Variants in LHFPL3 observed in about 807,000 individuals in gnomAD.
The protein encoded by LHFPL3 is LHFPL tetraspan subfamily member 3.
Under a neutral mutation model 19.3 loss-of-function variants are expected in LHFPL3, and 5 were observed. That is an observed-to-expected ratio of 0.26 (90% CI 0.14 to 0.54). The LOEUF (loss-of-function observed/expected upper bound fraction) is 0.54. Ranked by LOEUF, LHFPL3 falls within the 20% of genes least tolerant of loss-of-function variation. The probability of loss-of-function intolerance (pLI) is 0.94; values close to 1 mark genes in which losing one functional copy is unlikely to be tolerated. For missense variants in LHFPL3, 249 were observed against 307.4 expected (o/e 0.81, Z 1.42); for synonymous variants, 133 against 126.2 (o/e 1.05, Z -0.36).
At chr7:104,720,594 G>GT (rs1406576513) in intron 1 of LHFPL3, among the ~76,000 whole-genome samples, 2 of 152,102 alleles carry the variant, frequency 1.3e-5, no homozygotes, top group Non-Finnish European at 2.9e-5. Flanking sequence ...TACCATCAGA[G>GT]TGAACAGTCA....
At chr7:104,612,512 A>G (rs1205342154) in intron 1 of LHFPL3, among the ~76,000 whole-genome samples, 1 of 152,184 alleles carries the variant, frequency 6.6e-6, no homozygotes, top group Non-Finnish European at 1.5e-5. Flanking sequence ...GAATAAAGAC[A>G]TCTCATAAAT....
intron 1 of LHFPL3, among the ~76,000 whole-genome samples, chr7:104,557,403 G>A (rs1370335134): frequency 6.6e-5 from 10 of 152,194 alleles, no homozygotes; most frequent in African/African-American, 2.4e-4. Context: ...GAGAGATTGT[G>A]CAAGGAAACT....
chr7:104,681,767 T>G (rs1341148218), intron 1 of LHFPL3, among the ~76,000 whole-genome samples: 1 of 152,194 alleles, frequency 6.6e-6, no homozygotes, highest in African/African-American at 2.4e-5. Context: ...AGCAAAGGAC[T>G]TTGTTCCCAC....
At chr7:104,708,274 T>C (rs1217471003) in intron 1 of LHFPL3, among the ~76,000 whole-genome samples, 1 of 152,202 alleles carries the variant, frequency 6.6e-6, no homozygotes, top group African/African-American at 2.4e-5. Flanking sequence ...TAAATCATTT[T>C]TTTCTGTTAT....
intron 1 of LHFPL3, among the ~76,000 whole-genome samples, chr7:104,389,076 A>G (rs907141118): frequency 6.6e-6 from 1 of 152,168 alleles, no homozygotes; most frequent in African/African-American, 2.4e-5. Context: ...GGAAGAAGTA[A>G]AACTATCTGT....
At chr7:104,654,395 A>G (rs940166221) in intron 1 of LHFPL3, among the ~76,000 whole-genome samples, 9 of 152,198 alleles carry the variant, frequency 5.9e-5, no homozygotes, top group African/African-American at 2.2e-4. Flanking sequence ...GCTTTCCTAC[A>G]TCTAGTACTC....
At chr7:104,575,516 T>C (rs1283063404) in intron 1 of LHFPL3, among the ~76,000 whole-genome samples, 1 of 123,930 alleles carries the variant, frequency 8.1e-6, no homozygotes, top group Non-Finnish European at 1.6e-5. Flanking sequence ...ATTTTTAATA[T>C]ATGAGAAATG....
chr7:104,805,741 G>A (rs971294141), intron 2 of LHFPL3, among the ~76,000 whole-genome samples: 1 of 152,214 alleles, frequency 6.6e-6, no homozygotes, highest in East Asian at 1.9e-4. Flanking sequence ...CTACATGACA[G>A]TCAGATTTAT....
intron 2 of LHFPL3, among the ~76,000 whole-genome samples, chr7:104,881,169 CAAAAA>C (rs60361178): frequency 4.4e-5 from 4 of 91,520 alleles, no homozygotes; most frequent in Admixed American, 3.5e-4. Flanking sequence ...GATTCCATCT[CAAAAA>C]AAAAAAAAAA....
At chr7:104,603,080 TTC>T (rs372095041) in intron 1 of LHFPL3, among the ~76,000 whole-genome samples, 1 of 107,784 alleles carries the variant, frequency 9.3e-6, no homozygotes. Flanking sequence ...CTTTCTTTCT[TTC>T]TTTCTTTCTT....
intron 1 of LHFPL3, among the ~76,000 whole-genome samples, chr7:104,576,767 C>G (rs1237052443): frequency 6.6e-6 from 1 of 152,132 alleles, no homozygotes; most frequent in Admixed American, 6.6e-5. Context: ...TCTCAAGAAA[C>G]AAACAAGTTA....
At chr7:104,505,339 T>C (rs1368903540) in intron 1 of LHFPL3, among the ~76,000 whole-genome samples, 1 of 152,198 alleles carries the variant, frequency 6.6e-6, no homozygotes, top group Non-Finnish European at 1.5e-5. Flanking sequence ...GATATGGAAA[T>C]GAAAAGCTTT....
intron 1 of LHFPL3, among the ~76,000 whole-genome samples, chr7:104,536,429 C>G (rs1207517003): frequency 6.6e-6 from 1 of 152,168 alleles, no homozygotes; most frequent in Admixed American, 6.5e-5. Context: ...ACTTTAATAC[C>G]TAGCATTTCA....
chr7:104,692,234 A>C (rs77800293), intron 1 of LHFPL3, among the ~76,000 whole-genome samples: 3,051 of 152,364 alleles, frequency 0.02, 86 homozygotes, highest in East Asian at 0.091. Context: ...AGAGCATAAA[A>C]GTTCAGAAAA....
chr7:104,518,965 CA>C (rs1793988180), intron 1 of LHFPL3, among the ~76,000 whole-genome samples: 3 of 151,872 alleles, frequency 2.0e-5, no homozygotes, highest in Non-Finnish European at 4.4e-5. Context: ...CATATTTTTT[CA>C]AAAAGTATTT....
intron 1 of LHFPL3, 102 bp from the exon 2 acceptor site, chr7:104,736,573 A>C (rs1793826703): frequency 2.7e-6 from 2 of 750,174 alleles, no homozygotes; most frequent in Admixed American, 4.8e-5. Flanking sequence ...AATCAAGAAT[A>C]ATTTGAAACA....
chr7:104,522,519 T>G (rs949120183), intron 1 of LHFPL3, among the ~76,000 whole-genome samples: 1 of 152,060 alleles, frequency 6.6e-6, no homozygotes, highest in Non-Finnish European at 1.5e-5. Context: ...ACATGTACCC[T>G]AAAACTTAAA....
chr7:104,843,584 C>T (rs1041209577), intron 2 of LHFPL3, among the ~76,000 whole-genome samples: 4 of 152,214 alleles, frequency 2.6e-5, no homozygotes, highest in African/African-American at 9.6e-5. Context: ...TGAGTCACTT[C>T]ATCCAAATAC....
At chr7:104,736,221 C>T (rs1025963217) in intron 1 of LHFPL3, among the ~76,000 whole-genome samples, 1 of 152,110 alleles carries the variant, frequency 6.6e-6, no homozygotes, top group Admixed American at 6.6e-5. Context: ...GATTCAAAGT[C>T]AGTACACACT....
Sources: gnomAD v4.1 joint callset for allele counts (sites outside exome capture counted in the v4.1 genomes callset) on GRCh38, gnomAD v4.1.1 for gene constraint, MANE v1.5 for transcripts, NCBI Gene and HGNC (gene_info 2026-07-23, HGNC 2026-07-21) for gene names.